The following RP1 variants were observed in gnomAD, a reference collection of about 807,000 sequenced individuals.
RP1 encodes RP1 axonemal microtubule associated.
RP1 carries 16 observed loss-of-function variants against 14.8 expected under a neutral mutation model. The observed-to-expected ratio is 1.08, with a 90% confidence interval of 0.73 to 1.65. RP1 has a LOEUF of 1.65. RP1 is among the 40% of genes most tolerant of loss of function. The probability of loss-of-function intolerance (pLI) is 0.00; values close to 1 mark genes in which losing one functional copy is unlikely to be tolerated. For synonymous variants in RP1, 876 were observed against 883.6 expected (o/e 0.99, Z 0.15); for missense variants, 2,631 against 2,535.0 (o/e 1.04, Z -0.81).
At chr8:54,781,828 C>T (rs1340344942) in intron 23 of RP1, among the ~76,000 whole-genome samples, 1 of 152,068 alleles carries the variant, frequency 6.6e-6, no homozygotes, top group Non-Finnish European at 1.5e-5. Context: ...ATTAGTTATT[C>T]CACCCTTAAG....
intron 24 of RP1, among the ~76,000 whole-genome samples, chr8:54,792,189 G>A (rs1427601788): frequency 6.6e-6 from 1 of 151,904 alleles, no homozygotes; most frequent in African/African-American, 2.4e-5. Context: ...CCAACACTGA[G>A]CATCTAAATA....
intron 6 of RP1, among the ~76,000 whole-genome samples, chr8:54,661,954 GTTC>G (rs1280686352): frequency 2.0e-5 from 3 of 151,728 alleles, no homozygotes; most frequent in African/African-American, 4.8e-5. Context: ...TTTCTATTTA[GTTC>G]TTCTTTAAAT....
chr8:54,796,467 G>T (rs1282129147), intron 24 of RP1, among the ~76,000 whole-genome samples: 1 of 152,176 alleles, frequency 6.6e-6, no homozygotes, highest in African/African-American at 2.4e-5. Context: ...TTGGAAATAG[G>T]CTCTTTACAG....
chr8:54,656,292 A>G (rs1490683431), intron 6 of RP1: 1 of 1,398,576 alleles, frequency 7.2e-7, no homozygotes, highest in Non-Finnish European at 9.5e-7. Context: ...ACCAATAAAC[A>G]CATGTTGAGT....
At chr8:54,581,324 A>C (rs2129296761) in intron 1 of RP1, among the ~76,000 whole-genome samples, 1 of 152,302 alleles carries the variant, frequency 6.6e-6, no homozygotes, top group South Asian at 2.1e-4. Context: ...GTCCCTACGA[A>C]GGACATGAAC....
intron 3 of RP1, among the ~76,000 whole-genome samples, chr8:54,642,422 A>G (rs1238005814): frequency 6.6e-6 from 1 of 152,124 alleles, no homozygotes; most frequent in Non-Finnish European, 1.5e-5. Flanking sequence ...CAACTTCTAA[A>G]CTTTATTTAT....
chr8:54,840,439 G>C (rs1811765031), intron 25 of RP1, among the ~76,000 whole-genome samples: 1 of 151,938 alleles, frequency 6.6e-6, no homozygotes, highest in Admixed American at 6.6e-5. Flanking sequence ...TTTTAGTAGA[G>C]ATAGGGTTTC....
intron 24 of RP1, among the ~76,000 whole-genome samples, chr8:54,794,817 G>A (rs1265931696): frequency 1.3e-5 from 2 of 151,906 alleles, no homozygotes; most frequent in African/African-American, 2.4e-5. Flanking sequence ...GGGAATGGGA[G>A]AAAATATTTG....
intron 1 of RP1, among the ~76,000 whole-genome samples, chr8:54,591,762 C>T (rs1015635258): frequency 6.6e-6 from 1 of 152,074 alleles, no homozygotes; most frequent in Non-Finnish European, 1.5e-5. Context: ...CATGCGTCAG[C>T]GGCCAGGTGG....
chr8:54,871,040 C>T lies in RP1; in HGVS notation c.*1098C>T, dbSNP rs551886283. 8.5e-5 allele frequency: 13 copies of T among 152,154 alleles called. No homozygotes were observed. The South Asian group carries it at 1.7e-3, about 19-fold the overall frequency. The allele number at this position is 152,154 out of a possible 1,614,324, so 9.4% of individuals were successfully genotyped here. A position where few individuals can be genotyped will look rare whatever the true frequency, so the allele number is the denominator to read the frequency against. ...TGCATACCACCTTCATGATTTTTGT[C>T]GTCTGCAATAGTACCTGTACTAGTA... On this transcript the variant is annotated 3_prime_UTR_variant, in exon 29 of 29. Coordinates refer to the RP1 transcript ENST00000637698.
chr8:54,770,360 A>G (rs567792848), downstream of RP1, among the ~76,000 whole-genome samples: 4 of 152,056 alleles, frequency 2.6e-5, no homozygotes, highest in African/African-American at 9.6e-5. Context: ...TTTAGCTCCA[A>G]ATGCTTTTTT....
At chr8:54,591,784 T>TA (rs1433095307) in intron 1 of RP1, among the ~76,000 whole-genome samples, 1 of 152,156 alleles carries the variant, frequency 6.6e-6, no homozygotes, top group Admixed American at 6.5e-5. Context: ...TGGCTCTTCT[T>TA]CTGGGGGTTG....
intron 17 of RP1, among the ~76,000 whole-genome samples, chr8:54,731,098 T>C (rs559214793): frequency 3.0e-4 from 46 of 152,316 alleles, no homozygotes; most frequent in African/African-American, 1.1e-3. Context: ...TGGTAATTCA[T>C]GCTTTATGCT....
intron 12 of RP1, among the ~76,000 whole-genome samples, chr8:54,689,224 G>A (rs1807646676): frequency 6.6e-6 from 1 of 152,044 alleles, no homozygotes; most frequent in Non-Finnish European, 1.5e-5. Context: ...TGAGATGATG[G>A]GGTTTTCTAA....
intron 19 of RP1, among the ~76,000 whole-genome samples, chr8:54,743,163 T>C (rs1809140362): frequency 1.3e-5 from 2 of 152,212 alleles, no homozygotes; most frequent in African/African-American, 4.8e-5. Context: ...AAGAAAGAAC[T>C]CAAATTTCAC....
chr8:54,656,563 C>G (rs1157448357), intron 6 of RP1, among the ~76,000 whole-genome samples: 2 of 151,758 alleles, frequency 1.3e-5, no homozygotes, highest in African/African-American at 4.8e-5. Flanking sequence ...CCACTGGGCT[C>G]TGCCTCATTT....
Position 54,625,135 on chromosome 8 carries a change from A to G in RP1, c.1253A>G (p.Glu418Gly). ...INIQMTDQVA[E>G]TCSSASWENA... ...ATTCAAATGACAGATCAAGTGGCTG[A>G]AACTTGCAGTTCTGCTAGTTGGGAG... The change falls in exon 4 of 4, where the codon GAA becomes GGA. Residue 418 changes from glutamate (E) to glycine (G), a missense_variant. By Grantham distance (98) the Glu-to-Gly change is moderately conservative. Coordinates refer to ENST00000220676, the MANE Select transcript of RP1 (RefSeq NM_006269.2). The G allele has an allele frequency of 4.3e-6, 7 of 1,614,164 alleles. No homozygotes were observed. Among genetic ancestry groups the G allele is most frequent in the Non-Finnish European group, 5.9e-6 (7 of 1,180,030 alleles).
chr8:54,734,402 C>A (rs1318360646), intron 17 of RP1: 3 of 654,100 alleles, frequency 4.6e-6, no homozygotes, highest in South Asian at 2.3e-5. Context: ...AAATCAGCTC[C>A]CTGGAGTCTT....
intron 27 of RP1, among the ~76,000 whole-genome samples, chr8:54,859,283 G>A (rs1409365890): frequency 2.0e-5 from 3 of 151,738 alleles, no homozygotes; most frequent in African/African-American, 7.3e-5. Flanking sequence ...TATAGGTGGT[G>A]CCACTGTGGA....
Sources: allele counts gnomAD v4.1 joint callset (sites outside exome capture counted in the v4.1 genomes callset), GRCh38; gene constraint gnomAD v4.1.1; transcripts MANE v1.5; gene names NCBI Gene and HGNC (gene_info 2026-07-23, HGNC 2026-07-21).